Variants in SEMA5B observed in about 807,000 individuals in gnomAD.
The protein encoded by SEMA5B is semaphorin 5B, also known as semaphorin-5B.
SEMA5B carries 66 observed loss-of-function variants against 135.0 expected under a neutral mutation model. The observed-to-expected ratio is 0.49, with a 90% CI of 0.40 to 0.60. The LOEUF is 0.60. SEMA5B is among the 20% of genes least tolerant of loss of function. The probability of loss-of-function intolerance (pLI) is 0.00; values close to 1 mark genes in which losing one functional copy is unlikely to be tolerated. For missense variants in SEMA5B, 1,501 were observed against 1,566.3 expected (o/e 0.96, Z 0.70); for synonymous variants, 690 against 639.5 (o/e 1.08, Z -1.19).
At chr3:122,946,708 G>C (rs4677981) in intron 3 of SEMA5B, among the ~76,000 whole-genome samples, 85,233 of 151,832 alleles carry the variant, frequency 0.56, 24,437 homozygotes, top group Admixed American at 0.63. Context: ...GGTACGCAGA[G>C]GAAACTCTTG....
intron 3 of SEMA5B, among the ~76,000 whole-genome samples, chr3:122,945,296 A>G (rs1405529192): frequency 6.6e-6 from 1 of 152,214 alleles, no homozygotes; most frequent in Non-Finnish European, 1.5e-5. Context: ...GTTGGCAAGA[A>G]TTGTCATGTA....
chr3:122,939,166 C>T (rs930900102), intron 5 of SEMA5B, among the ~76,000 whole-genome samples: 2 of 152,252 alleles, frequency 1.3e-5, no homozygotes, highest in Non-Finnish European at 2.9e-5. Flanking sequence ...CTTTTTCTCC[C>T]TTCCTCATTA....
rs541791848 is a variant in SEMA5B, at chr3:122,943,751, G to A, written c.329-216C>T. Reference sequence around the variant, plus strand: ...GCCACACTCCTTAGCTCAGAGGAGGGCACTACCCTCCCCACAGAGGCATGA... The same window carrying A: ...GCCACACTCCTTAGCTCAGAGGAGGACACTACCCTCCCCACAGAGGCATGA... On this transcript the variant is annotated intron_variant, in intron 3 of 22. Coordinates refer to ENST00000357599, the MANE Select transcript of SEMA5B (RefSeq NM_001031702.4). Among the ~76,000 whole-genome samples the A allele has an allele frequency of 1.3e-4, 20 of 152,224 alleles. No homozygotes were observed. The South Asian group carries it at 4.1e-3, about 32-fold the overall frequency.
chr3:122,998,893 A>G (rs549715040), intron 1 of SEMA5B, among the ~76,000 whole-genome samples: 4 of 152,376 alleles, frequency 2.6e-5, no homozygotes, highest in African/African-American at 4.8e-5. Flanking sequence ...TGTCAGCACA[A>G]TTAAATAGAC....
At chr3:122,982,705 G>C (rs931605084) in intron 1 of SEMA5B, among the ~76,000 whole-genome samples, 2 of 151,644 alleles carry the variant, frequency 1.3e-5, no homozygotes, top group African/African-American at 4.9e-5. Context: ...CCACCCCCCA[G>C]GTCTGCTGCC....
At chr3:123,009,071 C>T (rs573942534) in intron 1 of SEMA5B, among the ~76,000 whole-genome samples, 22 of 152,316 alleles carry the variant, frequency 1.4e-4, no homozygotes, top group African/African-American at 3.9e-4. Context: ...GCATAAGACA[C>T]GGACCCGGTG....
At chr3:122,961,393 C>A (rs34020905) in intron 1 of SEMA5B, 92 bp from the exon 2 acceptor site, 233,024 of 1,113,524 alleles carry the variant, frequency 0.21, 25,777 homozygotes, top group East Asian at 0.38. Flanking sequence ...CCCCAGGGAC[C>A]ACATGGTTGC....
At chr3:122,921,854 C>G in intron 12 of SEMA5B, 61 bp downstream of exon 12, 1 of 1,430,584 alleles carries the variant, frequency 7.0e-7, no homozygotes, top group Non-Finnish European at 9.3e-7. Flanking sequence ...GGTCCAAAGC[C>G]CCGCCTCTTA....
chr3:122,920,726 A>T (rs527619636), intron 12 of SEMA5B, among the ~76,000 whole-genome samples: 1 of 152,320 alleles, frequency 6.6e-6, no homozygotes, highest in African/African-American at 2.4e-5. Flanking sequence ...ATGGAGCCCC[A>T]GGTGTGTCTG....
At chr3:122,928,377 A>T in intron 7 of SEMA5B, 140 bp downstream of exon 7, 2 of 613,462 alleles carry the variant, frequency 3.3e-6, no homozygotes, top group Non-Finnish European at 5.8e-6. Context: ...CTGAACTCCA[A>T]ATCTAACTGG....
At chr3:122,928,496 C>A (rs1488278912) in intron 7 of SEMA5B, 21 bp downstream of exon 7, 2 of 1,539,256 alleles carry the variant, frequency 1.3e-6, no homozygotes, top group East Asian at 2.4e-5. Flanking sequence ...CCTTCAGTCT[C>A]CTCCACCCTG....
At chr3:122,966,084 C>T (rs1940804359) in intron 1 of SEMA5B, among the ~76,000 whole-genome samples, 1 of 152,208 alleles carries the variant, frequency 6.6e-6, no homozygotes, top group Admixed American at 6.5e-5. Flanking sequence ...TCTCAGAAGG[C>T]CATGCTGGAA....
intron 1 of SEMA5B, among the ~76,000 whole-genome samples, chr3:122,979,398 T>G (rs1163476773): frequency 2.0e-5 from 3 of 152,198 alleles, no homozygotes; most frequent in Non-Finnish European, 4.4e-5. Context: ...CTCCCAACTC[T>G]CTTCCCGGAT....
At chr3:122,963,492 C>CCAA (rs748503077) in intron 1 of SEMA5B, among the ~76,000 whole-genome samples, 2 of 121,756 alleles carry the variant, frequency 1.6e-5, no homozygotes, top group Non-Finnish European at 3.6e-5. Flanking sequence ...GTCTCTGACT[C>CCAA]AAAAAAAAAA....
chr3:122,971,413 G>A (rs1941108656), intron 1 of SEMA5B, among the ~76,000 whole-genome samples: 1 of 152,250 alleles, frequency 6.6e-6, no homozygotes, highest in African/African-American at 2.4e-5. Context: ...AGGCACTAAT[G>A]TGCCCACTCA....
intron 1 of SEMA5B, among the ~76,000 whole-genome samples, chr3:123,019,215 A>G (rs1357722473): frequency 3.9e-5 from 6 of 152,284 alleles, no homozygotes; most frequent in African/African-American, 7.2e-5. Flanking sequence ...TTTAAATCCC[A>G]GGTCTACTAC....
At chr3:122,916,760 T>C (rs1938094126) in intron 12 of SEMA5B, among the ~76,000 whole-genome samples, 1 of 152,140 alleles carries the variant, frequency 6.6e-6, no homozygotes, top group South Asian at 2.1e-4. Flanking sequence ...AGCACCCACA[T>C]GCTTGTGCTG....
At chr3:122,948,889 A>G (rs1293281515) in intron 2 of SEMA5B, among the ~76,000 whole-genome samples, 180 bp from the exon 3 acceptor site, 3 of 152,230 alleles carry the variant, frequency 2.0e-5, no homozygotes, top group Non-Finnish European at 1.5e-5. Context: ...CCTGAAAGCT[A>G]ATTTCCCTTG....
At chr3:122,970,671 CG>C (rs1255482472) in intron 1 of SEMA5B, among the ~76,000 whole-genome samples, 1 of 152,192 alleles carries the variant, frequency 6.6e-6, no homozygotes, top group Non-Finnish European at 1.5e-5. Context: ...ATGAACATCT[CG>C]TTTAATCATC....
Sources: gnomAD v4.1 joint callset for allele counts (sites outside exome capture counted in the v4.1 genomes callset) on GRCh38, gnomAD v4.1.1 for gene constraint, MANE v1.5 for transcripts, NCBI Gene and HGNC (gene_info 2026-07-23, HGNC 2026-07-21) for gene names.